Variants in IARS1 observed in about 807,000 individuals in gnomAD.
The protein encoded by IARS1 is isoleucine--tRNA ligase, cytoplasmic.
Under a neutral mutation model 168.2 loss-of-function variants are expected in IARS1, and 124 were observed. That is an observed-to-expected ratio of 0.74 (90% CI 0.64 to 0.86). IARS1 has a LOEUF of 0.86. Ranked by LOEUF, IARS1 falls within the 40% of genes least tolerant of loss-of-function variation. The pLI is 0.00. For synonymous variants in IARS1, 532 were observed against 529.4 expected, an observed-to-expected ratio of 1.00 and a Z score of -0.07; for missense variants, 1,452 against 1,515.8, an observed-to-expected ratio of 0.96 and a Z score of 0.70.
intron 33 of IARS1, among the ~76,000 whole-genome samples, chr9:92,214,957 C>T (rs1403204540): frequency 6.6e-6 from 1 of 152,246 alleles, no homozygotes; most frequent in African/African-American, 2.4e-5. Flanking sequence ...GTAGGCTCCA[C>T]CTCTGGGGGC....
rs930695686 is a variant in IARS1, at chr9:92,272,765, C to T, written c.991-1110G>A. On this transcript the variant is annotated intron_variant, in intron 10 of 33. Coordinates refer to ENST00000443024, the MANE Select transcript of IARS1 (RefSeq NM_002161.6). ...ACTTGGCAGGCTGAGGCAGGAGAAT[C>T]GCTTGAACCTGGGAGGCAGAGGTTG... 4.0e-5 allele frequency among the ~76,000 whole-genome samples: 6 copies of T among 151,258 alleles called. No individual in the cohort carries two copies. In the Admixed American group the frequency reaches 4.0e-4, roughly 10 times the overall value.
intron 10 of IARS1, among the ~76,000 whole-genome samples, chr9:92,272,239 C>A (rs1048951104): frequency 6.6e-6 from 1 of 152,186 alleles, no homozygotes. Flanking sequence ...GTTGGTGAAA[C>A]CACACTCTGG....
chr9:92,222,695 G>T, intron 32 of IARS1, 23 bp from the exon 33 acceptor site: 1 of 1,612,404 alleles, frequency 6.2e-7, no homozygotes, highest in South Asian at 1.1e-5. Flanking sequence ...GAACAAACTG[G>T]ATTAAATCTC....
In IARS1 at chr9:92,282,860, A is replaced by ATATTTT. The variant is rs1230782830; in HGVS notation, c.598-1968_598-1967insAAAATA. ...CACACATATATATATATATATATAT[A>ATATTTT]TTTTTTTTTTTTGAGACAGAGTCTA... is the stretch of plus-strand genomic sequence containing the variant. On this transcript the variant is annotated intron_variant, in intron 6 of 33. Transcript: ENST00000443024. Among the ~76,000 whole-genome samples, 1,053 of 132,800 alleles carry ATATTTT rather than the reference A, an allele frequency of 7.9e-3. 25 individuals are homozygous for ATATTTT. Among genetic ancestry groups the ATATTTT allele is most frequent in the African/African-American group, 0.029 (997 of 34,508 alleles). The allele number at this position is 132,800 out of a possible 152,430, so 87.1% of individuals were successfully genotyped here.
intron 30 of IARS1, among the ~76,000 whole-genome samples, chr9:92,234,871 T>G (rs1587742222): frequency 6.7e-6 from 1 of 148,616 alleles, no homozygotes; most frequent in African/African-American, 2.5e-5. Flanking sequence ...TGAGATGGAG[T>G]TCGTTCTTGT....
intron 1 of IARS1, among the ~76,000 whole-genome samples, chr9:92,293,000 T>G (rs1183004493): frequency 2.6e-5 from 4 of 152,230 alleles, no homozygotes; most frequent in Non-Finnish European, 4.4e-5. Flanking sequence ...TCAAGTCATG[T>G]GGATCCTACC....
At position 92,271,073 on chromosome 9, in the gene IARS1, C is replaced by T; in HGVS notation, c.1117G>A (p.Ala373Thr). The T allele has an allele frequency of 1.3e-6, 2 of 1,590,620 alleles. No individual in the cohort carries two copies. Among genetic ancestry groups the T allele is most frequent in the Non-Finnish European group, 1.7e-6 (2 of 1,168,050 alleles). ...AAAGTCCTGATGATACTTTTGTCAG[C>T]ATCCTATTAAAAAAAATTAAAATTT... ...TDFAGQYVKD[A>T]DKSIIRTLKE... is the part of the protein sequence containing the mutation. The change falls in exon 12 of 34, where the codon GCT becomes ACT. Residue 373 changes from alanine to threonine, a missense_variant. Physicochemically the swap from Ala to Thr is moderately conservative, Grantham distance 58. Coordinates refer to ENST00000443024, the MANE Select transcript of IARS1 (RefSeq NM_002161.6).
intron 28 of IARS1, chr9:92,242,909 CA>C (rs1403817094): frequency 3.2e-6 from 1 of 308,740 alleles, no homozygotes; most frequent in Non-Finnish European, 6.3e-6. Flanking sequence ...TGCCCTTCTG[CA>C]AAGACACTAT....
chr9:92,240,819 A>T (rs774527491), intron 30 of IARS1, 37 bp downstream of exon 30: 2 of 1,280,604 alleles, frequency 1.6e-6, no homozygotes, highest in Non-Finnish European at 2.3e-6. Flanking sequence ...AAGTATAACT[A>T]AAAAAAAGTC....
In IARS1 at chr9:92,210,658, C is replaced by A. The variant is rs994807468; in HGVS notation, c.*149G>T. On this transcript the variant is annotated 3_prime_UTR_variant, in exon 34 of 34. Transcript: ENST00000443024. ...GTCTCAAGTTACTTGACTAATCAAT[C>A]CCATTTGAATTTCAATCCAAGCAGC... 6.8e-6 allele frequency: 4 copies of A among 586,238 alleles called. No individual in the cohort carries two copies. Among genetic ancestry groups the A allele is most frequent in the Admixed American group, 2.9e-5 (1 of 34,796 alleles). The allele number at this position is 586,238 out of a possible 1,614,324, so 36.3% of individuals were successfully genotyped here.
At chr9:92,290,628 ATT>A (rs1418128036) in intron 1 of IARS1, among the ~76,000 whole-genome samples, 2 of 152,122 alleles carry the variant, frequency 1.3e-5, no homozygotes, top group African/African-American at 2.4e-5. Context: ...AAGGTTATAG[ATT>A]TTTCGCTTAC....
At chr9:92,234,333 T>C (rs1433519533) in intron 30 of IARS1, among the ~76,000 whole-genome samples, 2 of 152,222 alleles carry the variant, frequency 1.3e-5, no homozygotes, top group Non-Finnish European at 2.9e-5. Context: ...TATGGTTTTT[T>C]CCCTCATAAT....
At chr9:92,235,584 C>A (rs1369963520) in intron 30 of IARS1, among the ~76,000 whole-genome samples, 2 of 137,284 alleles carry the variant, frequency 1.5e-5, no homozygotes, top group East Asian at 4.3e-4. Flanking sequence ...GTGGTGCGAT[C>A]TTGGCTCACT....
At chr9:92,289,880 T>C (rs965297356) in intron 1 of IARS1, among the ~76,000 whole-genome samples, 1 of 152,242 alleles carries the variant, frequency 6.6e-6, no homozygotes, top group Non-Finnish European at 1.5e-5. Flanking sequence ...GTAATATGTA[T>C]TCATACTTCA....
At chr9:92,260,317 C>T in intron 17 of IARS1, 83 bp from the exon 18 acceptor site, 1 of 938,806 alleles carries the variant, frequency 1.1e-6, no homozygotes, top group East Asian at 2.4e-5. Flanking sequence ...CATTTGCAAA[C>T]AGGAATATAC....
In IARS1 at chr9:92,255,281, T is replaced by C. The variant is rs570430310; in HGVS notation, c.2137+1399A>G. ...CAGCATGTGCCCGTATCTAGGCTAA[T>C]GGTGAATCCCAGGTCTGTGGCGGCC... On this transcript the variant is annotated intron_variant, in intron 20 of 33. Coordinates refer to ENST00000443024, the MANE Select transcript of IARS1 (RefSeq NM_002161.6). 2.6e-5 allele frequency among the ~76,000 whole-genome samples: 4 copies of C among 152,320 alleles called. No individual in the cohort carries two copies. The East Asian group carries it at 7.7e-4, about 29-fold the overall frequency.
rs79939916 is a variant in IARS1 at position 92,271,020 on chromosome 9, G to A, written c.1170C>T (p.Ala390=). Residue 390 remains alanine, a synonymous_variant, in exon 12 of 34, where the codon GCC becomes GCT. Transcript: ENST00000443024. The part of the protein sequence containing the change: ...TLKEQGRLLV[A]TTFTHSYPFC... The stretch of plus-strand genomic sequence containing the variant: ...AAGGGTAGCTGTGAGTGAAGGTGGT[G>A]GCAACCAGAAGTCGGCCTTGTTCCT... 799 of 1,612,102 alleles carry A rather than the reference G, an allele frequency of 5.0e-4. 5 individuals are homozygous for A. In the East Asian group the frequency reaches 7.2e-3, roughly 15 times the overall value.
intron 25 of IARS1, among the ~76,000 whole-genome samples, chr9:92,249,376 AC>A (rs750794215): frequency 2.4e-4 from 36 of 152,258 alleles, no homozygotes; most frequent in Middle Eastern, 3.4e-3. Context: ...ACATGATGAA[AC>A]CCCATTCTCT....
intron 18 of IARS1, among the ~76,000 whole-genome samples, chr9:92,259,796 C>A (rs868297474): frequency 3.9e-5 from 6 of 151,992 alleles, no homozygotes; most frequent in South Asian, 2.1e-4. Context: ...TCTGTAAGTA[C>A]AAAATTAAAA....
Sources: allele counts gnomAD v4.1 joint callset (sites outside exome capture counted in the v4.1 genomes callset), GRCh38; gene constraint gnomAD v4.1.1; transcripts MANE v1.5; gene names NCBI Gene and HGNC (gene_info 2026-07-23, HGNC 2026-07-21).